The following IQSEC1 variants were observed in gnomAD, a reference collection of about 807,000 sequenced individuals.
The protein encoded by IQSEC1 is IQ motif and Sec7 domain ArfGEF 1, also known as IQ motif and SEC7 domain-containing protein 1.
IQSEC1 carries 31 observed loss-of-function variants against 91.0 expected under a neutral mutation model. The ratio of observed to expected loss-of-function variants is 0.34; its 90% CI spans 0.26 to 0.46. IQSEC1 has a LOEUF of 0.46. Among genes scored for constraint, IQSEC1 ranks in the 20% least tolerant of loss-of-function variants. The pLI is 1.00. For synonymous variants in IQSEC1, 699 were observed against 662.6 expected, an observed-to-expected ratio of 1.05 and a Z score of -0.84; for missense variants, 1,388 against 1,575.6, an observed-to-expected ratio of 0.88 and a Z score of 2.02.
At chr3:13,046,316 G>A (rs907481165) in intron 1 of IQSEC1, among the ~76,000 whole-genome samples, 2 of 152,212 alleles carry the variant, frequency 1.3e-5, no homozygotes, top group Non-Finnish European at 2.9e-5. Flanking sequence ...TGAGCGTGTC[G>A]CTCATGTGTG....
intron 2 of IQSEC1, among the ~76,000 whole-genome samples, chr3:13,082,846 A>C (rs1347751578): frequency 6.6e-6 from 1 of 152,042 alleles, no homozygotes; most frequent in Non-Finnish European, 1.5e-5. Context: ...ACTCCAGCCA[A>C]GGGGCCCACT....
intron 1 of IQSEC1, among the ~76,000 whole-genome samples, chr3:13,024,073 T>G (rs531096831): frequency 2.6e-5 from 4 of 152,334 alleles, no homozygotes; most frequent in Non-Finnish European, 5.9e-5. Flanking sequence ...CCTCGGTTCC[T>G]TGTGCCACAC....
intron 1 of IQSEC1, among the ~76,000 whole-genome samples, chr3:13,191,224 T>C (rs1694024248): frequency 6.6e-6 from 1 of 152,254 alleles, no homozygotes; most frequent in South Asian, 2.1e-4. Flanking sequence ...CTGGCACCAC[T>C]AAACTCATCT....
At chr3:13,009,317 G>A (rs575079349) in intron 1 of IQSEC1, among the ~76,000 whole-genome samples, 2 of 152,280 alleles carry the variant, frequency 1.3e-5, no homozygotes, top group Non-Finnish European at 2.9e-5. Flanking sequence ...ATGGCCTGCT[G>A]CCTTGATTTC....
intron 2 of IQSEC1, among the ~76,000 whole-genome samples, chr3:13,124,871 T>A (rs1043110005): frequency 3.3e-5 from 5 of 152,140 alleles, no homozygotes; most frequent in Non-Finnish European, 7.4e-5. Context: ...TCGTTCAGCA[T>A]TATGGTGAGG....
In IQSEC1 at chr3:12,936,124, GCTC is replaced by G. The variant is rs765606997; in HGVS notation, c.889_891del (p.Glu297del). 3.7e-6 allele frequency: 6 copies of G among 1,612,048 alleles called. No homozygotes were observed. The highest frequency in any genetic ancestry group is 2.2e-5 in the East Asian group (1 of 44,860). On this transcript the variant is annotated inframe_deletion, in exon 3 of 14. Transcript: ENST00000613206. ...TGCGAGAGGGGCAGAGGGGGCGACAGCTCCTCCTCATCGATGTACAGGGTGACA... is the reference window on the plus strand; with the variant it reads ...TGCGAGAGGGGCAGAGGGGGCGACAGCTCCTCATCGATGTACAGGGTGACA...
chr3:13,067,174 T>C (rs1705263355), intron 1 of IQSEC1, among the ~76,000 whole-genome samples: 1 of 152,156 alleles, frequency 6.6e-6, no homozygotes, highest in Admixed American at 6.5e-5. Context: ...CAGGATATTT[T>C]CATCCACTCT....
In IQSEC1 at chr3:12,961,810, ACAACTC is replaced by A. The variant is rs1172625621; in HGVS notation, c.24-19951_24-19946del. ...TGGATTCATTCATTTAATCCTCACA[ACAACTC>A]CATGGCCTCCTCCTGTCATCCATCT... On this transcript the variant is annotated intron_variant, in intron 1 of 13. Transcript: ENST00000613206. Among the ~76,000 whole-genome samples, 23 of 152,270 alleles carry A rather than the reference ACAACTC, an allele frequency of 1.5e-4. 1 individual carries two copies.
intron 1 of IQSEC1, among the ~76,000 whole-genome samples, chr3:13,041,928 C>T (rs1294803867): frequency 2.0e-5 from 3 of 152,202 alleles, no homozygotes; most frequent in Non-Finnish European, 2.9e-5. Context: ...ATCCAGCCCA[C>T]GAGGTCGGAG....
chr3:13,235,323 C>T (rs1237981435), intron 1 of IQSEC1, among the ~76,000 whole-genome samples: 1 of 152,150 alleles, frequency 6.6e-6, no homozygotes, highest in South Asian at 2.1e-4. Flanking sequence ...GTGGCCACAC[C>T]CTTCCCCTGG....
chr3:13,281,006 C>T (rs1336350863), intron 1 of IQSEC1, among the ~76,000 whole-genome samples: 1 of 152,258 alleles, frequency 6.6e-6, no homozygotes, highest in African/African-American at 2.4e-5. Flanking sequence ...GACGTGCTCC[C>T]TCTCAGCATC....
intron 1 of IQSEC1, among the ~76,000 whole-genome samples, chr3:13,178,456 G>A (rs1693778221): frequency 1.3e-5 from 2 of 152,250 alleles, no homozygotes; most frequent in Non-Finnish European, 2.9e-5. Context: ...TAGACTAGGT[G>A]GCTTATGAAC....
At chr3:12,918,757 G>C (rs1375228714) in intron 6 of IQSEC1, among the ~76,000 whole-genome samples, 3 of 152,188 alleles carry the variant, frequency 2.0e-5, no homozygotes, top group African/African-American at 7.2e-5. Flanking sequence ...GGGAGGTCAA[G>C]GCTGAAGTGA....
intron 2 of IQSEC1, among the ~76,000 whole-genome samples, chr3:13,118,001 T>C (rs1576258148): frequency 6.6e-6 from 1 of 152,096 alleles, no homozygotes; most frequent in African/African-American, 2.4e-5. Flanking sequence ...GGTGGGAGTG[T>C]AAAATGCTGC....
intron 2 of IQSEC1, 76 bp downstream of exon 2, chr3:12,941,495 G>A: frequency 1.5e-6 from 2 of 1,377,448 alleles, no homozygotes; most frequent in South Asian, 1.5e-5. Context: ...CTGCCACCAT[G>A]CCTGGTGGGG....
At chr3:13,225,642 G>T (rs932778088) in intron 1 of IQSEC1, among the ~76,000 whole-genome samples, 15 of 152,172 alleles carry the variant, frequency 9.9e-5, no homozygotes, top group Admixed American at 4.6e-4. Flanking sequence ...ATAGATCCCT[G>T]CCATGAAGAA....
chr3:12,987,217 G>C (rs560031694), intron 1 of IQSEC1, among the ~76,000 whole-genome samples: 66 of 152,370 alleles, frequency 4.3e-4, no homozygotes, highest in African/African-American at 1.5e-3. Flanking sequence ...TGGTCCTGCT[G>C]GGGGCGGGGA....
chr3:13,161,196 C>A (rs1457982748), intron 2 of IQSEC1, among the ~76,000 whole-genome samples: 1 of 152,034 alleles, frequency 6.6e-6, no homozygotes, highest in East Asian at 1.9e-4. Context: ...GCTGGAGGTG[C>A]GCATGGGAAG....
chr3:13,124,263 T>TG (rs997236348), intron 2 of IQSEC1, among the ~76,000 whole-genome samples: 2 of 152,172 alleles, frequency 1.3e-5, no homozygotes, highest in African/African-American at 4.8e-5. Context: ...TGGTAATGGC[T>TG]GGGGGGACCC....
Sources: allele counts gnomAD v4.1 joint callset (sites outside exome capture counted in the v4.1 genomes callset), GRCh38; gene constraint gnomAD v4.1.1; transcripts MANE v1.5; gene names NCBI Gene and HGNC (gene_info 2026-07-23, HGNC 2026-07-21).